Variants in ASAP1 observed in about 807,000 individuals in gnomAD.
ASAP1 encodes the protein ArfGAP with SH3 domain, ankyrin repeat and PH domain 1.
Under a neutral mutation model 145.2 loss-of-function variants are expected in ASAP1, and 43 were observed. That is an observed-to-expected ratio of 0.30 (90% CI 0.23 to 0.38). The LOEUF is 0.38. ASAP1 is among the 10% of genes least tolerant of loss of function. The pLI is 1.00. For missense variants in ASAP1, 1,018 were observed against 1,355.3 expected, an observed-to-expected ratio of 0.75 and a Z score of 3.91; for synonymous variants, 546 against 515.5, an observed-to-expected ratio of 1.06 and a Z score of -0.80.
intron 8 of ASAP1, 25 bp from the exon 9 acceptor site, chr8:130,179,374 C>T (rs930102386): frequency 3.7e-5 from 55 of 1,470,514 alleles, no homozygotes; most frequent in South Asian, 5.7e-5. Flanking sequence ...CAGGGTTTTG[C>T]GTTGATTAAT....
intron 1 of ASAP1, among the ~76,000 whole-genome samples, chr8:130,435,930 T>G (rs971329792): frequency 6.6e-5 from 10 of 152,184 alleles, no homozygotes; most frequent in African/African-American, 2.4e-4. Context: ...CAGGAAACAC[T>G]TAGGGCCTTT....
intron 5 of ASAP1, among the ~76,000 whole-genome samples, chr8:130,205,117 T>C (rs1038469179): frequency 6.6e-6 from 1 of 152,184 alleles, no homozygotes; most frequent in Admixed American, 6.5e-5. Context: ...TTATGGTCAA[T>C]GAAACTTTGC....
chr8:130,383,433 G>A (rs917049069), intron 2 of ASAP1, among the ~76,000 whole-genome samples: 14 of 152,180 alleles, frequency 9.2e-5, no homozygotes, highest in African/African-American at 3.4e-4. Flanking sequence ...TGAAAATGAG[G>A]CCATCTGAGA....
At chr8:130,439,181 G>A (rs746189348) in intron 1 of ASAP1, among the ~76,000 whole-genome samples, 14 of 152,160 alleles carry the variant, frequency 9.2e-5, no homozygotes, top group Non-Finnish European at 1.8e-4. Context: ...GGCTTTGGAG[G>A]TGGAAGAAGG....
chr8:130,269,077 T>C (rs868560198), intron 3 of ASAP1, among the ~76,000 whole-genome samples: 1 of 152,202 alleles, frequency 6.6e-6, no homozygotes. Flanking sequence ...ATAATACATT[T>C]CTGTTTTAGA....
intron 12 of ASAP1, 85 bp downstream of exon 12, chr8:130,159,779 T>G (rs903407073): frequency 2.8e-6 from 3 of 1,083,306 alleles, no homozygotes; most frequent in Non-Finnish European, 4.2e-6. Context: ...ATTATAAAAT[T>G]TTAAGTGTGT....
Position 130,125,828 on chromosome 8 carries a change from G to A in ASAP1, c.1515+128C>T, listed in dbSNP as rs1466617331. 3.0e-5 allele frequency: 28 copies of A among 948,768 alleles called. No individual in the cohort carries two copies. In the East Asian group the frequency reaches 6.1e-4, roughly 21 times the overall value. The allele number at this position is 948,768 out of a possible 1,614,324, so 58.8% of individuals were successfully genotyped here. On this transcript the variant is annotated intron_variant, in intron 17 of 29. Transcript: ENST00000518721. ...CAAAAGTTACATTTTAAACGTCTAC[G>A]CAAACTCACAAAATTCAGGAATTAT...
At chr8:130,440,611 G>C (rs113435769) in intron 1 of ASAP1, among the ~76,000 whole-genome samples, 7 of 151,704 alleles carry the variant, frequency 4.6e-5, no homozygotes, top group African/African-American at 1.7e-4. Context: ...GCTTAGAATC[G>C]GCTGTGTGAT....
chr8:130,206,504 T>C lies in ASAP1; in HGVS notation c.405+8052A>G, dbSNP rs76076007. Reference sequence around the variant, plus strand: ...AACCACAATACCCTACAGTCAGAGATTGCAAACAGGAAATGCTATGCAGAT... The same window carrying C: ...AACCACAATACCCTACAGTCAGAGACTGCAAACAGGAAATGCTATGCAGAT... On this transcript the variant is annotated intron_variant, in intron 5 of 29. Coordinates refer to ENST00000518721, the MANE Select transcript of ASAP1 (RefSeq NM_018482.4). Among the ~76,000 whole-genome samples the C allele has an allele frequency of 1.5e-3, 225 of 152,026 alleles. 1 individual carries two copies. The highest frequency in any genetic ancestry group is 2.5e-3 in the Non-Finnish European group (173 of 67,960).
intron 4 of ASAP1, among the ~76,000 whole-genome samples, chr8:130,219,752 C>T (rs1030941839): frequency 6.6e-6 from 1 of 152,220 alleles, no homozygotes; most frequent in Admixed American, 6.5e-5. Context: ...TAAGAAACTT[C>T]TGGCATCCAC....
chr8:130,340,830 G>A (rs1014767879), intron 3 of ASAP1: 21 of 442,264 alleles, frequency 4.7e-5, no homozygotes, highest in African/African-American at 4.3e-4. Context: ...CTCCAAAGAG[G>A]AAGCTTAATA....
intron 2 of ASAP1, among the ~76,000 whole-genome samples, chr8:130,383,465 C>G (rs989179054): frequency 1.3e-5 from 2 of 152,132 alleles, no homozygotes; most frequent in Non-Finnish European, 2.9e-5. Flanking sequence ...CCCAGAGGAT[C>G]GACTATGAAC....
At chr8:130,361,881 A>G (rs931977824) in intron 2 of ASAP1, 14 of 754,682 alleles carry the variant, frequency 1.9e-5, no homozygotes, top group African/African-American at 1.7e-4. Flanking sequence ...AAATGTGCGC[A>G]CACACATATT....
chr8:130,408,497 T>C (rs1236992133), intron 1 of ASAP1, among the ~76,000 whole-genome samples: 1 of 152,138 alleles, frequency 6.6e-6, no homozygotes, highest in African/African-American at 2.4e-5. Context: ...CACCATCAGT[T>C]CCCCTGGTTT....
chr8:130,413,413 TAG>T (rs1829347296), intron 1 of ASAP1, among the ~76,000 whole-genome samples: 1 of 152,250 alleles, frequency 6.6e-6, no homozygotes, highest in Non-Finnish European at 1.5e-5. Flanking sequence ...TTTCACATTT[TAG>T]CATTTCTGAA....
At position 130,256,755 on chromosome 8, in the gene ASAP1, A is replaced by ATATATATATATATCCT. The variant is rs1554860202; in HGVS notation, c.187-19762_187-19761insAGGATATATATATATA. Among the ~76,000 whole-genome samples the ATATATATATATATCCT allele has an allele frequency of 4.2e-4, 38 of 89,782 alleles. 1 individual carries two copies. The highest frequency in any genetic ancestry group is 1.2e-3 in the African/African-American group (31 of 25,168). The allele number at this position is 89,782 out of a possible 152,430, so 58.9% of individuals were successfully genotyped here. On this transcript the variant is annotated intron_variant, in intron 3 of 29. Coordinates refer to ENST00000518721, the MANE Select transcript of ASAP1 (RefSeq NM_018482.4). ...TACACATTCTTATATATATATATAT[A>ATATATATATATATCCT]TATATATATATATATATATATATAT...
At chr8:130,188,260 T>C in intron 5 of ASAP1, 77 bp from the exon 6 acceptor site, 1 of 1,165,074 alleles carries the variant, frequency 8.6e-7, no homozygotes, top group Non-Finnish European at 1.3e-6. Context: ...TACTATTGAC[T>C]GAGCATTTTC....
intron 2 of ASAP1, chr8:130,361,033 T>G (rs77745572): frequency 0.018 from 2,808 of 154,788 alleles, 56 homozygotes; most frequent in Non-Finnish European, 0.023. Flanking sequence ...AAGAAGGCCT[T>G]CCTTCCTCTA....
At chr8:130,369,206 C>G (rs139407720) in intron 2 of ASAP1, among the ~76,000 whole-genome samples, 60 of 152,004 alleles carry the variant, frequency 3.9e-4, no homozygotes, top group Non-Finnish European at 7.1e-4. Context: ...TTTTTTATTT[C>G]TGGAATGTTT....
Sources: gnomAD v4.1 joint callset for allele counts (sites outside exome capture counted in the v4.1 genomes callset) on GRCh38, gnomAD v4.1.1 for gene constraint, MANE v1.5 for transcripts, NCBI Gene and HGNC (gene_info 2026-07-23, HGNC 2026-07-21) for gene names.